Variants in SF3A3 observed in about 807,000 individuals in gnomAD.
SF3A3 encodes splicing factor 3a subunit 3.
SF3A3 carries 9 observed loss-of-function variants against 85.8 expected under a neutral mutation model. The observed-to-expected ratio is 0.10, with a 90% CI of 0.06 to 0.18. The LOEUF (loss-of-function observed/expected upper bound fraction) is 0.18. Ranked by LOEUF, SF3A3 falls within the 10% of genes least tolerant of loss-of-function variation. The pLI is 1.00. For synonymous variants in SF3A3, 195 were observed against 204.4 expected (o/e 0.95, Z 0.39); for missense variants, 306 against 593.3 (o/e 0.52, Z 5.03).
chr1:37,959,656 C>T (rs1205585286), intron 16 of SF3A3, among the ~76,000 whole-genome samples: 1 of 152,054 alleles, frequency 6.6e-6, no homozygotes. Flanking sequence ...TCGGCTCATG[C>T]AACCTCTACC....
At chr1:37,973,182 C>CA (rs1343733165) in intron 12 of SF3A3, among the ~76,000 whole-genome samples, 38 of 149,362 alleles carry the variant, frequency 2.5e-4, no homozygotes, top group Middle Eastern at 3.5e-3. Context: ...CTGTCTCCAA[C>CA]AAAAAAAAGA....
rs1342576119 is a variant in SF3A3, at chr1:37,969,350, T to C, written c.1281+4A>G. On this transcript the variant is annotated splice_donor_region_variant and intron_variant, in intron 14 of 16. Transcript: ENST00000373019. ...CCCAGGAAAAATGGCTCTGAATTCC[T>C]TACAGCAAAGTGTCGCTGGAAGGCT... The C allele has an allele frequency of 1.2e-6, 2 of 1,603,526 alleles. No individual in the cohort carries two copies. Among genetic ancestry groups the C allele is most frequent in the Non-Finnish European group, 1.7e-6 (2 of 1,172,070 alleles).
chr1:37,989,810 G>A, intron 1 of SF3A3, 60 bp downstream of exon 1: 9 of 1,408,640 alleles, frequency 6.4e-6, no homozygotes, highest in Non-Finnish European at 9.0e-6. Context: ...AGCTCTCAGA[G>A]GTCAAACACG....
chr1:37,976,690 T>C (rs1172359644), intron 12 of SF3A3, among the ~76,000 whole-genome samples, 194 bp downstream of exon 12: 1 of 152,124 alleles, frequency 6.6e-6, no homozygotes, highest in Non-Finnish European at 1.5e-5. Flanking sequence ...TTGGGCAACT[T>C]TGGGAGTATC....
At chr1:37,960,667 T>C (rs1413346600) in intron 15 of SF3A3, 2 of 153,960 alleles carry the variant, frequency 1.3e-5, no homozygotes, top group Non-Finnish European at 2.9e-5. Flanking sequence ...ATCTTTTTTT[T>C]TGAGACGGAC....
intron 8 of SF3A3, among the ~76,000 whole-genome samples, chr1:37,980,348 C>T (rs977254600): frequency 1.3e-5 from 2 of 151,646 alleles, no homozygotes; most frequent in South Asian, 2.1e-4. Flanking sequence ...TGCTTGAACC[C>T]GGGAAGCGGA....
rs1029790769 is a variant in SF3A3, at chr1:37,958,078, G to T, written c.*108C>A. The T allele has an allele frequency of 1.2e-5, 9 of 756,250 alleles. No homozygotes were observed. The African/African-American group carries it at 1.6e-4, about 13-fold the overall frequency. The allele number at this position is 756,250 out of a possible 1,614,324, so 46.8% of individuals were successfully genotyped here. On this transcript the variant is annotated 3_prime_UTR_variant, in exon 17 of 17. Coordinates refer to ENST00000373019, the MANE Select transcript of SF3A3 (RefSeq NM_006802.4). ...TTCTACAAGATGCATGCTAGACCAT[G>T]AGACTACATAGCAAAGGGTCTTTAA...
At chr1:37,978,063 C>A (rs1646392004) in intron 11 of SF3A3, among the ~76,000 whole-genome samples, 1 of 151,688 alleles carries the variant, frequency 6.6e-6, no homozygotes, top group African/African-American at 2.4e-5. Flanking sequence ...CTGGGTCGGG[C>A]ACGGTGGCTC....
chr1:37,957,311 A>C lies in SF3A3; in HGVS notation c.*875T>G, dbSNP rs1438679137. 1 of 151,670 alleles carries C rather than the reference A, an allele frequency of 6.6e-6. No homozygotes were observed. The highest frequency in any genetic ancestry group is 1.5e-5 in the Non-Finnish European group (1 of 67,972). The allele number at this position is 151,670 out of a possible 1,614,324, so 9.4% of individuals were successfully genotyped here. On this transcript the variant is annotated 3_prime_UTR_variant, in exon 17 of 17. Coordinates refer to ENST00000373019, the MANE Select transcript of SF3A3 (RefSeq NM_006802.4). Reference sequence around the variant, plus strand: ...CTCATTCTGACCTAGCAAGCTGGTGAAGTCACTGTCGGTCCTAGTTCCCTT... The same window carrying C: ...CTCATTCTGACCTAGCAAGCTGGTGCAGTCACTGTCGGTCCTAGTTCCCTT...
At chr1:37,986,730 T>C (rs572024759) in intron 4 of SF3A3, among the ~76,000 whole-genome samples, 1 of 137,774 alleles carries the variant, frequency 7.3e-6, no homozygotes, top group African/African-American at 2.8e-5. Context: ...GAGAATGGCA[T>C]GAACTCGGGA....
rs1646323467 is a variant in SF3A3, at chr1:37,969,360, G to A, written c.1275C>T (p.His425=). Residue 425 remains histidine, a synonymous_variant, in exon 14 of 17, where the codon CAC becomes CAT. Transcript: ENST00000373019. ...TYRGPKAFQR[H]FAEWRHAHGM... is the part of the protein sequence containing the mutation. ...ATGGCTCTGAATTCCTTACAGCAAA[G>A]TGTCGCTGGAAGGCTTTGGGCCCTC... 7 of 1,605,348 alleles carry A rather than the reference G, an allele frequency of 4.4e-6. No homozygotes were observed. Among genetic ancestry groups the A allele is most frequent in the African/African-American group, 1.3e-5 (1 of 74,716 alleles).
Position 37,958,030 on chromosome 1 carries a change from T to C in SF3A3, c.*156A>G, listed in dbSNP as rs1423666591. 4 of 620,984 alleles carry C rather than the reference T, an allele frequency of 6.4e-6. No homozygotes were observed. The highest frequency in any genetic ancestry group is 1.2e-5 in the Non-Finnish European group (4 of 344,394). The allele number at this position is 620,984 out of a possible 1,614,324, so 38.5% of individuals were successfully genotyped here. Reference sequence around the variant, plus strand: ...AAACAGATAAAACACATCTCAACCCTGCAATCTGCCAGCATGCCTTGTTTC... The same window carrying C: ...AAACAGATAAAACACATCTCAACCCCGCAATCTGCCAGCATGCCTTGTTTC... On this transcript the variant is annotated 3_prime_UTR_variant, in exon 17 of 17. Coordinates refer to ENST00000373019, the MANE Select transcript of SF3A3 (RefSeq NM_006802.4).
chr1:37,969,829 C>T, intron 12 of SF3A3, 94 bp from the exon 13 acceptor site: 1 of 1,346,352 alleles, frequency 7.4e-7, no homozygotes, highest in Non-Finnish European at 1.0e-6. Flanking sequence ...TGACCCCTTA[C>T]TTCCAAGGAT....
In SF3A3 at chr1:37,984,599, C is replaced by G. The variant is rs986708191; in HGVS notation, c.376+108G>C. Reference sequence around the variant, plus strand: ...GCCCAGAAACCAGCAAAGACAAAACCAGCAAGAAATCCTGGCTATAAATAT... The same window carrying G: ...GCCCAGAAACCAGCAAAGACAAAACGAGCAAGAAATCCTGGCTATAAATAT... On this transcript the variant is annotated intron_variant, in intron 5 of 16. Transcript: ENST00000373019. The G allele has an allele frequency of 6.0e-6, 5 of 828,048 alleles. No individual in the cohort carries two copies. The South Asian group carries it at 7.5e-5, about 12-fold the overall frequency. The allele number at this position is 828,048 out of a possible 1,614,324, so 51.3% of individuals were successfully genotyped here.
At position 37,958,087 on chromosome 1, in the gene SF3A3, T is replaced by C. The variant is rs1277780761; in HGVS notation, c.*99A>G. On this transcript the variant is annotated 3_prime_UTR_variant, in exon 17 of 17. Coordinates refer to ENST00000373019, the MANE Select transcript of SF3A3 (RefSeq NM_006802.4). Reference sequence around the variant, plus strand: ...ATGCATGCTAGACCATGAGACTACATAGCAAAGGGTCTTTAAGAGGATTTG... The same window carrying C: ...ATGCATGCTAGACCATGAGACTACACAGCAAAGGGTCTTTAAGAGGATTTG... The C allele has an allele frequency of 7.5e-6, 6 of 805,212 alleles. No homozygotes were observed. The highest frequency in any genetic ancestry group is 1.3e-5 in the Non-Finnish European group (6 of 455,002). The allele number at this position is 805,212 out of a possible 1,614,324, so 49.9% of individuals were successfully genotyped here.
intron 15 of SF3A3, among the ~76,000 whole-genome samples, chr1:37,963,111 A>G (rs941971233): frequency 1.3e-5 from 2 of 152,202 alleles, no homozygotes; most frequent in Non-Finnish European, 2.9e-5. Context: ...AATCACTGCA[A>G]CTTAAATGAC....
In SF3A3 at chr1:37,963,872, T is replaced by TAAAA. The variant is rs771447218; in HGVS notation, c.1373-3701_1373-3698dup. Among the ~76,000 whole-genome samples, 811 of 81,786 alleles carry TAAAA rather than the reference T, an allele frequency of 9.9e-3. 36 individuals are homozygous for TAAAA. Among genetic ancestry groups the TAAAA allele is most frequent in the African/African-American group, 0.041 (741 of 18,242 alleles). 53.7% of individuals were successfully genotyped at this position (81,786 alleles called of 152,430 possible). ...CGCCTGGCCCTGCCAATGATATTCT[T>TAAAA]AAAAAAAAAAAAAAAAAAAAAAATT... On this transcript the variant is annotated intron_variant, in intron 15 of 16. Transcript: ENST00000373019.
At chr1:37,972,802 G>A (rs1646352694) in intron 12 of SF3A3, among the ~76,000 whole-genome samples, 1 of 152,152 alleles carries the variant, frequency 6.6e-6, no homozygotes, top group Non-Finnish European at 1.5e-5. Context: ...AATGGTGCTG[G>A]GAAAACTGGC....
intron 1 of SF3A3, 120 bp downstream of exon 1, chr1:37,989,750 C>A: frequency 8.2e-7 from 1 of 1,214,982 alleles, no homozygotes; most frequent in East Asian, 2.4e-5. Flanking sequence ...AAGACCGGAG[C>A]TCGGAGAGGG....
Sources: gnomAD v4.1 joint callset for allele counts (sites outside exome capture counted in the v4.1 genomes callset) on GRCh38, gnomAD v4.1.1 for gene constraint, MANE v1.5 for transcripts, NCBI Gene and HGNC (gene_info 2026-07-23, HGNC 2026-07-21) for gene names.